Variants in CCSER1 observed in about 807,000 individuals in gnomAD.
CCSER1 encodes the protein serine-rich coiled-coil domain-containing protein 1.
CCSER1 carries 41 observed loss-of-function variants against 82.0 expected under a neutral mutation model. The observed-to-expected ratio is 0.50, with a 90% CI of 0.39 to 0.65. CCSER1 has a LOEUF of 0.65. Ranked by LOEUF, CCSER1 falls within the 30% of genes least tolerant of loss-of-function variation. The pLI, the probability that CCSER1 is intolerant of heterozygous loss-of-function variation, is 0.00. For synonymous variants in CCSER1, 414 were observed against 383.9 expected (o/e 1.08, Z -0.92); for missense variants, 1,119 against 1,064.2 (o/e 1.05, Z -0.72).
chr4:90,766,106 G>A (rs1751179893), intron 7 of CCSER1, among the ~76,000 whole-genome samples: 3 of 152,126 alleles, frequency 2.0e-5, no homozygotes, highest in African/African-American at 7.2e-5. Flanking sequence ...AACCTAGAGA[G>A]GAAATTTTAG....
intron 9 of CCSER1, among the ~76,000 whole-genome samples, chr4:91,045,936 A>C (rs13107352): frequency 8.1e-6 from 1 of 123,858 alleles, no homozygotes; most frequent in Non-Finnish European, 1.7e-5. Flanking sequence ...ATTTGGGTAG[A>C]TAATGGAAAA....
At chr4:91,443,000 C>T (rs550215802) in intron 10 of CCSER1, among the ~76,000 whole-genome samples, 38 of 151,850 alleles carry the variant, frequency 2.5e-4, no homozygotes, top group Non-Finnish European at 3.8e-4. Context: ...TGTGGAGAAA[C>T]AGGAACACTT....
intron 1 of CCSER1, among the ~76,000 whole-genome samples, chr4:90,286,083 G>A (rs984736503): frequency 1.3e-5 from 2 of 151,906 alleles, no homozygotes; most frequent in Admixed American, 1.3e-4. Context: ...TAGAGATATC[G>A]GCCTGCATTT....
chr4:91,147,890 G>A (rs1210808061), intron 10 of CCSER1, among the ~76,000 whole-genome samples: 3 of 152,184 alleles, frequency 2.0e-5, no homozygotes, highest in African/African-American at 7.2e-5. Flanking sequence ...TACAGTAACT[G>A]CCTAGGCAGG....
intron 10 of CCSER1, among the ~76,000 whole-genome samples, chr4:91,480,335 T>G (rs1359962583): frequency 3.3e-5 from 5 of 152,240 alleles, no homozygotes; most frequent in Non-Finnish European, 7.3e-5. Context: ...TCCAGCATGG[T>G]TGAACTAGTT....
At chr4:91,233,769 G>C (rs1166471389) in intron 10 of CCSER1, among the ~76,000 whole-genome samples, 1 of 151,774 alleles carries the variant, frequency 6.6e-6, no homozygotes, top group South Asian at 2.1e-4. Context: ...TCAGTTTAAT[G>C]ACCAGCATGC....
chr4:91,187,146 C>G (rs1176671254), intron 10 of CCSER1, among the ~76,000 whole-genome samples: 1 of 152,226 alleles, frequency 6.6e-6, no homozygotes, highest in African/African-American at 2.4e-5. Flanking sequence ...GGCTCACACT[C>G]TGTGGGCTGC....
chr4:91,384,483 T>A (rs73835190), intron 10 of CCSER1, among the ~76,000 whole-genome samples: 3,987 of 151,884 alleles, frequency 0.026, 61 homozygotes, highest in African/African-American at 0.032. Flanking sequence ...TCTTTTTTTT[T>A]AAAAAAATAA....
At chr4:90,645,746 A>G (rs1223870018) in intron 6 of CCSER1, among the ~76,000 whole-genome samples, 1 of 152,186 alleles carries the variant, frequency 6.6e-6, no homozygotes, top group Admixed American at 6.6e-5. Context: ...ATATGCCCTT[A>G]CTGCTTTTTA....
At chr4:91,154,538 A>T (rs1430895293) in intron 10 of CCSER1, among the ~76,000 whole-genome samples, 2 of 152,102 alleles carry the variant, frequency 1.3e-5, no homozygotes, top group East Asian at 3.9e-4. Flanking sequence ...TCCTGCACCC[A>T]CTGTCCAACA....
At chr4:90,647,232 G>T (rs371123073) in intron 6 of CCSER1, among the ~76,000 whole-genome samples, 60 of 152,252 alleles carry the variant, frequency 3.9e-4, no homozygotes, top group East Asian at 1.9e-3. Context: ...TTTACCATGT[G>T]CAGAGTGAGC....
intron 9 of CCSER1, among the ~76,000 whole-genome samples, chr4:90,933,007 A>AGT (rs1730305285): frequency 3.7e-5 from 2 of 54,696 alleles, no homozygotes; most frequent in African/African-American, 2.9e-4. Flanking sequence ...AAAGAAAGAA[A>AGT]GAAAGAAAGA....
rs1337602756 is a variant in CCSER1 at position 91,598,552 on chromosome 4, C to G, written c.2218-20C>G. On this transcript the variant is annotated intron_variant, in intron 10 of 10. Coordinates refer to ENST00000509176, the MANE Select transcript of CCSER1 (RefSeq NM_001145065.2). ...AAGTGTTTTTTTAAGACATCTTTTT[C>G]TTTCTGTGTCTTACCATAGGCTACA... is the stretch of plus-strand genomic sequence containing the variant. 1 of 1,520,756 alleles carries G rather than the reference C, an allele frequency of 6.6e-7. No individual in the cohort carries two copies. Among genetic ancestry groups the G allele is most frequent in the Non-Finnish European group, 8.8e-7 (1 of 1,132,400 alleles). The allele number at this position is 1,520,756 out of a possible 1,614,324, so 94.2% of individuals were successfully genotyped here. A position where few individuals can be genotyped will look rare whatever the true frequency, so the allele number is the denominator to read the frequency against.
chr4:91,064,219 AAAG>A (rs1393511323), intron 9 of CCSER1, among the ~76,000 whole-genome samples: 2 of 152,134 alleles, frequency 1.3e-5, no homozygotes, highest in Non-Finnish European at 2.9e-5. Context: ...AAGATTGCCA[AAAG>A]AAGTAGTAAG....
At chr4:91,039,258 G>T (rs967656366) in intron 9 of CCSER1, among the ~76,000 whole-genome samples, 1 of 151,218 alleles carries the variant, frequency 6.6e-6, no homozygotes, top group Admixed American at 6.6e-5. Flanking sequence ...GCCCAGGCTG[G>T]TCTCAAACTC....
At chr4:91,196,765 C>G (rs1392032270) in intron 10 of CCSER1, among the ~76,000 whole-genome samples, 1 of 152,204 alleles carries the variant, frequency 6.6e-6, no homozygotes, top group African/African-American at 2.4e-5. Context: ...CCTTGCTATT[C>G]TAACCATACA....
At chr4:90,952,616 G>A (rs1164299776) in intron 9 of CCSER1, among the ~76,000 whole-genome samples, 2 of 151,766 alleles carry the variant, frequency 1.3e-5, no homozygotes, top group Admixed American at 6.6e-5. Flanking sequence ...TTTTTTGCCT[G>A]AGGAAGCATC....
At chr4:91,547,205 C>T (rs1442570894) in intron 10 of CCSER1, among the ~76,000 whole-genome samples, 2 of 152,012 alleles carry the variant, frequency 1.3e-5, no homozygotes, top group South Asian at 4.2e-4. Flanking sequence ...TGTATAGATT[C>T]AATTACATGT....
At chr4:90,396,225 A>G (rs751874831) in intron 3 of CCSER1, among the ~76,000 whole-genome samples, 10 of 152,164 alleles carry the variant, frequency 6.6e-5, no homozygotes, top group Non-Finnish European at 1.3e-4. Context: ...CATTCTGCTA[A>G]TTTATCAAAT....
Sources: gnomAD v4.1 joint callset for allele counts (sites outside exome capture counted in the v4.1 genomes callset) on GRCh38, gnomAD v4.1.1 for gene constraint, MANE v1.5 for transcripts, NCBI Gene and HGNC (gene_info 2026-07-23, HGNC 2026-07-21) for gene names.